Variants in THADA observed in about 807,000 individuals in gnomAD.
THADA encodes the protein tRNA (32-2'-O)-methyltransferase regulator THADA.
THADA carries 213 observed loss-of-function variants against 219.8 expected under a neutral mutation model. The ratio of observed to expected loss-of-function variants is 0.97; its 90% CI spans 0.87 to 1.09. The LOEUF (loss-of-function observed/expected upper bound fraction) is 1.09. Ranked by LOEUF, THADA falls within the 50% of genes least tolerant of loss-of-function variation. The pLI is 0.00. For synonymous variants in THADA, 1,018 were observed against 828.9 expected (o/e 1.23, Z -3.92); for missense variants, 2,956 against 2,311.3 (o/e 1.28, Z -5.72).
At chr2:43,274,881 C>A (rs1672537070) in intron 36 of THADA, among the ~76,000 whole-genome samples, 1 of 152,032 alleles carries the variant, frequency 6.6e-6, no homozygotes, top group African/African-American at 2.4e-5. Context: ...CCTTCTTGAA[C>A]CAAAACACTG....
chr2:43,284,196 C>T (rs72877333), intron 35 of THADA, among the ~76,000 whole-genome samples: 2,093 of 152,184 alleles, frequency 0.014, 35 homozygotes, highest in African/African-American at 0.044. Flanking sequence ...AAAGAGAAAC[C>T]GAATGTTAAC....
chr2:43,503,068 G>C (rs116328731), intron 24 of THADA, among the ~76,000 whole-genome samples: 3,238 of 152,270 alleles, frequency 0.021, 43 homozygotes, highest in African/African-American at 0.044. Context: ...GTAAAAGTCT[G>C]ATAATACAAA....
intron 21 of THADA, among the ~76,000 whole-genome samples, chr2:43,532,385 C>T (rs1251542875): frequency 6.9e-6 from 1 of 143,940 alleles, no homozygotes; most frequent in Non-Finnish European, 1.5e-5. Flanking sequence ...TGCACTCCAG[C>T]CTGGTCAACA....
chr2:43,587,116 C>T, intron 4 of THADA, 114 bp from the exon 5 acceptor site: 1 of 1,102,374 alleles, frequency 9.1e-7, no homozygotes, highest in Non-Finnish European at 1.3e-6. Flanking sequence ...CAAAATACAG[C>T]CAGAAAACTA....
chr2:43,528,693 A>G (rs1693491634), intron 21 of THADA, among the ~76,000 whole-genome samples: 1 of 152,208 alleles, frequency 6.6e-6, no homozygotes, highest in Admixed American at 6.5e-5. Flanking sequence ...TTTCTGTTAT[A>G]GCTCATGTTA....
At chr2:43,552,167 G>A in intron 18 of THADA, 37 bp downstream of exon 18, 1 of 1,587,224 alleles carries the variant, frequency 6.3e-7, no homozygotes, top group Non-Finnish European at 8.6e-7. Context: ...GAAATGAATG[G>A]ATTTCTGAGA....
At chr2:43,266,519 T>A (rs1572840707) in intron 36 of THADA, among the ~76,000 whole-genome samples, 1 of 152,048 alleles carries the variant, frequency 6.6e-6, no homozygotes, top group African/African-American at 2.4e-5. Flanking sequence ...AGGAGAATGG[T>A]GTGAACCTGG....
intron 30 of THADA, among the ~76,000 whole-genome samples, chr2:43,335,085 C>A (rs983161542): frequency 6.6e-6 from 1 of 152,186 alleles, no homozygotes; most frequent in Non-Finnish European, 1.5e-5. Flanking sequence ...CTTCAAGGTA[C>A]GTACTCTGTC....
chr2:43,362,992 T>C (rs1669702260), intron 29 of THADA, among the ~76,000 whole-genome samples: 1 of 152,156 alleles, frequency 6.6e-6, no homozygotes, highest in African/African-American at 2.4e-5. Context: ...CACTTCCACA[T>C]CCTGGTCCAC....
At position 43,300,884 on chromosome 2, in the gene THADA, C is replaced by T. The variant is rs57088684; in HGVS notation, c.4439-7671G>A. Among the ~76,000 whole-genome samples, 564 of 152,318 alleles carry T rather than the reference C, an allele frequency of 3.7e-3. 7 individuals are homozygous for T. The highest frequency in any genetic ancestry group is 0.013 in the African/African-American group (539 of 41,562). On this transcript the variant is annotated intron_variant, in intron 31 of 37. Coordinates refer to ENST00000405975, the MANE Select transcript of THADA (RefSeq NM_022065.5). ...ACGGACTGCTGCCTCGACCTCACCC[C>T]AGAGTTTCTGATTCTGCAGGTCCTG...
At chr2:43,417,792 A>G (rs975481008) in intron 28 of THADA, among the ~76,000 whole-genome samples, 1 of 152,202 alleles carries the variant, frequency 6.6e-6, no homozygotes, top group Middle Eastern at 3.2e-3. Flanking sequence ...TTGGGTTCAA[A>G]TTCACGCCTT....
In THADA at chr2:43,304,912, T is replaced by G. The variant is rs111777507; in HGVS notation, c.4439-11699A>C. 3.4e-3 allele frequency among the ~76,000 whole-genome samples: 522 copies of G among 152,256 alleles called. 2 individuals carry two copies. The highest frequency in any genetic ancestry group is 0.012 in the African/African-American group (510 of 41,542). ...GTCTTGAACTCCTGACCTCAGGTGA[T>G]CCACCCACCTCGGCCTCCCAAAGTG... On this transcript the variant is annotated intron_variant, in intron 31 of 37. Transcript: ENST00000405975.
At chr2:43,545,328 T>C (rs573385112) in intron 20 of THADA, among the ~76,000 whole-genome samples, 1 of 151,256 alleles carries the variant, frequency 6.6e-6, no homozygotes, top group South Asian at 2.1e-4. Flanking sequence ...TATTGGTCTA[T>C]AATTCTCTTT....
intron 28 of THADA, 107 bp downstream of exon 28, chr2:43,427,993 A>T (rs537863264): frequency 4.3e-5 from 19 of 446,786 alleles, no homozygotes; most frequent in Admixed American, 1.8e-4. Flanking sequence ...TATATATATA[A>T]AATATATATG....
intron 29 of THADA, among the ~76,000 whole-genome samples, chr2:43,396,908 T>C (rs1285698252): frequency 6.6e-6 from 1 of 152,178 alleles, no homozygotes; most frequent in Non-Finnish European, 1.5e-5. Flanking sequence ...TTCATTATAG[T>C]ATAGGTTTAT....
intron 28 of THADA, among the ~76,000 whole-genome samples, chr2:43,407,954 C>A (rs1411597457): frequency 6.6e-6 from 1 of 152,042 alleles, no homozygotes; most frequent in Non-Finnish European, 1.5e-5. Context: ...AATGAGGAAA[C>A]CTTTGTAGGC....
intron 22 of THADA, among the ~76,000 whole-genome samples, chr2:43,525,288 A>G (rs570347448): frequency 6.6e-6 from 1 of 152,312 alleles, no homozygotes; most frequent in African/African-American, 2.4e-5. Context: ...GCGTTTTTCA[A>G]AGATGGCTAC....
intron 28 of THADA, among the ~76,000 whole-genome samples, chr2:43,400,091 C>T (rs879916606): frequency 4.6e-5 from 7 of 152,114 alleles, no homozygotes; most frequent in African/African-American, 7.2e-5. Context: ...ATAACTCTGA[C>T]ATGGTTACAG....
chr2:43,397,188 C>G (rs937018463), intron 29 of THADA, among the ~76,000 whole-genome samples: 1 of 152,168 alleles, frequency 6.6e-6, no homozygotes, highest in African/African-American at 2.4e-5. Flanking sequence ...CAGTGTCGAT[C>G]TCAGGCTTAT....
Sources: allele counts gnomAD v4.1 joint callset (sites outside exome capture counted in the v4.1 genomes callset), GRCh38; gene constraint gnomAD v4.1.1; transcripts MANE v1.5; gene names NCBI Gene and HGNC (gene_info 2026-07-23, HGNC 2026-07-21).